Variants in RFX4 observed in about 807,000 individuals in gnomAD.
RFX4 encodes transcription factor RFX4.
A neutral mutation model predicts 95.0 loss-of-function variants in RFX4; 10 were observed. That is an observed-to-expected ratio of 0.11 (90% CI 0.06 to 0.18). RFX4 has a LOEUF of 0.18. Among genes scored for constraint, RFX4 ranks in the 10% least tolerant of loss-of-function variants. The pLI, the probability that RFX4 is intolerant of heterozygous loss-of-function variation, is 1.00. For synonymous variants in RFX4, 321 were observed against 340.7 expected, an observed-to-expected ratio of 0.94 and a Z score of 0.64; for missense variants, 640 against 922.0, an observed-to-expected ratio of 0.69 and a Z score of 3.96.
At chr12:106,728,724 T>A (rs1397738296) in intron 13 of RFX4, among the ~76,000 whole-genome samples, 1 of 152,170 alleles carries the variant, frequency 6.6e-6, no homozygotes, top group Non-Finnish European at 1.5e-5. Context: ...ATATTCACTA[T>A]CCTCATCGCT....
chr12:106,726,172 C>T lies in RFX4; in HGVS notation c.1351+5296C>T, dbSNP rs187947586. Among the ~76,000 whole-genome samples the T allele has an allele frequency of 2.0e-3, 294 of 150,766 alleles. 3 individuals carry two copies. The highest frequency in any genetic ancestry group is 6.7e-3 in the African/African-American group (277 of 41,092). ...CTGAGGCAGGAGAATTGCTTGATCCCGGGAGGCAGAGGTTGCAGTGAGCTG... is the reference window on the plus strand; with the variant it reads ...CTGAGGCAGGAGAATTGCTTGATCCTGGGAGGCAGAGGTTGCAGTGAGCTG... On this transcript the variant is annotated intron_variant, in intron 13 of 17. Coordinates refer to ENST00000392842, the MANE Select transcript of RFX4 (RefSeq NM_213594.3).
At chr12:106,750,435 C>A (rs1350494561) in intron 16 of RFX4, among the ~76,000 whole-genome samples, 3 of 147,500 alleles carry the variant, frequency 2.0e-5, no homozygotes, top group African/African-American at 7.6e-5. Context: ...CAAGATCATG[C>A]CACTGCACTC....
chr12:106,668,894 G>T, intron 4 of RFX4, among the ~76,000 whole-genome samples: 1 of 152,182 alleles, frequency 6.6e-6, no homozygotes, highest in East Asian at 1.9e-4. Context: ...GAAAAGGCTG[G>T]CTTATGGATA....
intron 1 of RFX4, among the ~76,000 whole-genome samples, chr12:106,593,490 T>A (rs974780533): frequency 3.9e-5 from 6 of 152,226 alleles, no homozygotes; most frequent in African/African-American, 1.2e-4. Context: ...AGATTTTGAA[T>A]GGACATTTGG....
At chr12:106,701,452 TTC>T (rs1205994384) in intron 8 of RFX4, among the ~76,000 whole-genome samples, 3 of 94,486 alleles carry the variant, frequency 3.2e-5, no homozygotes, top group African/African-American at 1.5e-4. Flanking sequence ...ATTCATTATC[TTC>T]TTCTCTGCTT....
chr12:106,750,192 A>G (rs2042972699), intron 16 of RFX4, among the ~76,000 whole-genome samples: 1 of 152,160 alleles, frequency 6.6e-6, no homozygotes, highest in African/African-American at 2.4e-5. Flanking sequence ...ATCAAAAAGA[A>G]GAGGCCGGAC....
chr12:106,722,087 T>C (rs1436360898), intron 13 of RFX4, among the ~76,000 whole-genome samples: 1 of 152,266 alleles, frequency 6.6e-6, no homozygotes, highest in Non-Finnish European at 1.5e-5. Flanking sequence ...CTCTGCTGAC[T>C]GCTACCTGGG....
At chr12:106,649,072 A>G (rs1020301912) in intron 3 of RFX4, among the ~76,000 whole-genome samples, 6 of 152,194 alleles carry the variant, frequency 3.9e-5, no homozygotes, top group African/African-American at 1.4e-4. Context: ...GATAAGGAAA[A>G]TGGAAGAAGT....
intron 4 of RFX4, among the ~76,000 whole-genome samples, chr12:106,668,496 TGAG>T (rs1056182034): frequency 2.6e-5 from 4 of 152,154 alleles, no homozygotes; most frequent in African/African-American, 9.7e-5. Flanking sequence ...GGCACGAGGC[TGAG>T]GTGAGAGGAT....
At chr12:106,684,711 T>TA in intron 5 of RFX4, 1 of 1,489,372 alleles carries the variant, frequency 6.7e-7, no homozygotes, top group Non-Finnish European at 9.0e-7. Flanking sequence ...GAGTTCCAGG[T>TA]GGGAAGGCAG....
intron 7 of RFX4, chr12:106,693,033 A>T (rs2041813614): frequency 2.7e-6 from 1 of 373,600 alleles, no homozygotes; most frequent in African/African-American, 2.1e-5. Flanking sequence ...TTAAGCCACA[A>T]ACTTTGATTC....
At chr12:106,693,340 T>C (rs1312506091) in intron 7 of RFX4, among the ~76,000 whole-genome samples, 1 of 152,182 alleles carries the variant, frequency 6.6e-6, no homozygotes, top group East Asian at 1.9e-4. Flanking sequence ...TTGAACAGGC[T>C]TCAAACAGAC....
Position 106,711,438 on chromosome 12 carries a change from C to G in RFX4, c.935-15C>G, listed in dbSNP as rs2137500068. The G allele has an allele frequency of 6.2e-7, 1 of 1,610,890 alleles. No individual in the cohort carries two copies. Among genetic ancestry groups the G allele is most frequent in the East Asian group, 2.2e-5 (1 of 44,872 alleles). On this transcript the variant is annotated splice_polypyrimidine_tract_variant and intron_variant, in intron 9 of 17. Transcript: ENST00000392842. ...AGCATGCAAATATTTCAAACTAATTCTTTTCTCCTTGCAGTGTCGAGAAGG... is the reference window on the plus strand; with the variant it reads ...AGCATGCAAATATTTCAAACTAATTGTTTTCTCCTTGCAGTGTCGAGAAGG...
intron 1 of RFX4, among the ~76,000 whole-genome samples, chr12:106,597,108 T>C (rs2039631172): frequency 6.6e-6 from 1 of 152,230 alleles, no homozygotes; most frequent in African/African-American, 2.4e-5. Context: ...TTTCTGTCCT[T>C]TCCTCCACTT....
chr12:106,695,841 C>A (rs1210598702), intron 7 of RFX4, among the ~76,000 whole-genome samples: 5 of 152,234 alleles, frequency 3.3e-5, no homozygotes, highest in African/African-American at 1.2e-4. Flanking sequence ...TTACCCGCGA[C>A]TCCCATACCT....
At chr12:106,621,967 C>T (rs550578522) in intron 2 of RFX4, among the ~76,000 whole-genome samples, 2 of 152,226 alleles carry the variant, frequency 1.3e-5, no homozygotes, top group East Asian at 3.9e-4. Context: ...TATATTTTAT[C>T]TAGCTTTTAC....
chr12:106,662,035 G>T, intron 4 of RFX4: 1 of 167,810 alleles, frequency 6.0e-6, no homozygotes, highest in Non-Finnish European at 1.3e-5. Context: ...GCATGTGCAG[G>T]TTTTTGTATG....
chr12:106,603,549 C>T lies in RFX4; in HGVS notation c.44-5248C>T, dbSNP rs573115137. 2.8e-4 allele frequency among the ~76,000 whole-genome samples: 42 copies of T among 152,348 alleles called. No homozygotes were observed. The South Asian group carries it at 8.3e-3, about 30-fold the overall frequency. ...AATCAGGGGAAGGGATGCTTCACAG[C>T]CCAGGAGCCTCTGCTCACGGCTGTA... On this transcript the variant is annotated intron_variant, in intron 1 of 17. Coordinates refer to ENST00000392842, the MANE Select transcript of RFX4 (RefSeq NM_213594.3).
chr12:106,609,497 G>T (rs1469601205), intron 2 of RFX4, among the ~76,000 whole-genome samples: 1 of 152,090 alleles, frequency 6.6e-6, no homozygotes, highest in East Asian at 1.9e-4. Context: ...CTAATTTTTT[G>T]CAGAGTCAGA....
Sources: gnomAD v4.1 joint callset for allele counts (sites outside exome capture counted in the v4.1 genomes callset) on GRCh38, gnomAD v4.1.1 for gene constraint, MANE v1.5 for transcripts, NCBI Gene and HGNC (gene_info 2026-07-23, HGNC 2026-07-21) for gene names.